PRMT3: variants seen among roughly 807,000 people sequenced by gnomAD.
The protein encoded by PRMT3 is protein arginine N-methyltransferase 3.
A neutral mutation model predicts 71.9 loss-of-function variants in PRMT3; 62 were observed. The observed-to-expected ratio is 0.86, with a 90% CI of 0.70 to 1.07. The LOEUF (loss-of-function observed/expected upper bound fraction) is 1.07. Ranked by LOEUF, PRMT3 falls within the 50% of genes least tolerant of loss-of-function variation. The pLI, the probability that PRMT3 is intolerant of heterozygous loss-of-function variation, is 0.00. For synonymous variants in PRMT3, 213 were observed against 220.4 expected (o/e 0.97, Z 0.30); for missense variants, 663 against 643.0 (o/e 1.03, Z -0.34).
chr11:20,398,099 T>G (rs1333856826), intron 7 of PRMT3, among the ~76,000 whole-genome samples: 2 of 152,052 alleles, frequency 1.3e-5, no homozygotes, highest in African/African-American at 2.4e-5. Context: ...TGAAATCACT[T>G]TTTCCTTAAA....
intron 10 of PRMT3, among the ~76,000 whole-genome samples, chr11:20,429,735 T>G (rs567423626): frequency 1.4e-4 from 21 of 152,380 alleles, no homozygotes; most frequent in African/African-American, 4.8e-4. Flanking sequence ...AGCAACTGTT[T>G]TAAGTGCTCT....
At chr11:20,393,152 T>G (rs1481559059) in intron 5 of PRMT3, among the ~76,000 whole-genome samples, 153 bp downstream of exon 5, 4 of 152,154 alleles carry the variant, frequency 2.6e-5, no homozygotes, top group African/African-American at 7.2e-5. Flanking sequence ...TTAAGTTGCT[T>G]AAAAACTAAT....
At chr11:20,402,650 T>C (rs958357706) in intron 7 of PRMT3, among the ~76,000 whole-genome samples, 1 of 152,190 alleles carries the variant, frequency 6.6e-6, no homozygotes, top group Non-Finnish European at 1.5e-5. Flanking sequence ...CTAAGTCTTA[T>C]GGTGATAATG....
intron 15 of PRMT3, among the ~76,000 whole-genome samples, chr11:20,496,497 G>A (rs377194640): frequency 1.3e-5 from 2 of 151,924 alleles, no homozygotes; most frequent in East Asian, 3.9e-4. Context: ...CCATTTATGT[G>A]AACTTTTAAA....
At chr11:20,502,970 T>C (rs1412457287) in intron 15 of PRMT3, among the ~76,000 whole-genome samples, 1 of 152,164 alleles carries the variant, frequency 6.6e-6, no homozygotes, top group Non-Finnish European at 1.5e-5. Flanking sequence ...TTTACTCTTT[T>C]GTTGATGAAG....
intron 10 of PRMT3, among the ~76,000 whole-genome samples, chr11:20,432,420 A>G (rs1849673078): frequency 6.6e-6 from 1 of 152,134 alleles, no homozygotes; most frequent in Non-Finnish European, 1.5e-5. Context: ...TAAACTGTAT[A>G]TTGTGTATAT....
intron 9 of PRMT3, among the ~76,000 whole-genome samples, chr11:20,423,527 A>G (rs1376233135): frequency 6.6e-6 from 1 of 152,182 alleles, no homozygotes; most frequent in Non-Finnish European, 1.5e-5. Flanking sequence ...ATGTCCTGCA[A>G]GTCTAAAATA....
intron 10 of PRMT3, among the ~76,000 whole-genome samples, chr11:20,447,450 G>A (rs911237876): frequency 6.6e-6 from 1 of 152,062 alleles, no homozygotes; most frequent in Non-Finnish European, 1.5e-5. Flanking sequence ...AATGTCATTA[G>A]TGTCAATATC....
intron 13 of PRMT3, among the ~76,000 whole-genome samples, chr11:20,466,777 CAAG>C (rs1325434875): frequency 2.0e-5 from 3 of 151,736 alleles, no homozygotes; most frequent in Non-Finnish European, 4.4e-5. Context: ...TAAAACAAAA[CAAG>C]AAAAAAATTG....
At position 20,426,871 on chromosome 11, in the gene PRMT3, T is replaced by C; in HGVS notation, c.993+6T>C. The C allele has an allele frequency of 1.3e-6, 2 of 1,521,182 alleles. No homozygotes were observed. The highest frequency in any genetic ancestry group is 1.7e-6 in the Non-Finnish European group (2 of 1,146,952). 94.2% of individuals were successfully genotyped at this position (1,521,182 alleles called of 1,614,324 possible). ...TTATCATATCTGAGTGGATGGTGAG[T>C]GTTTATAGAAAAAACTACTTTCACT... On this transcript the variant is annotated splice_donor_region_variant and intron_variant, in intron 10 of 15. Transcript: ENST00000331079.
chr11:20,433,630 G>GT (rs1390424066), intron 10 of PRMT3, among the ~76,000 whole-genome samples: 2 of 151,606 alleles, frequency 1.3e-5, no homozygotes, highest in Non-Finnish European at 1.5e-5. Flanking sequence ...TTTTGTTTTT[G>GT]TTTTTTTTAA....
Position 20,408,450 on chromosome 11 carries a change from G to A in PRMT3, c.893+418G>A, listed in dbSNP as rs11828082. Among the ~76,000 whole-genome samples the A allele has an allele frequency of 7.0e-3, 1,069 of 152,042 alleles. 16 individuals carry two copies. Among genetic ancestry groups the A allele is most frequent in the African/African-American group, 0.024 (1,014 of 41,498 alleles). ...TAAGAGTTATTTGTCTTTTCCTTTT[G>A]TAACAACACTAGTCCATGTACCTCC... On this transcript the variant is annotated intron_variant, in intron 9 of 15. Coordinates refer to ENST00000331079, the MANE Select transcript of PRMT3 (RefSeq NM_005788.4).
In PRMT3 at chr11:20,387,882, C is replaced by T. The variant is rs967369413; in HGVS notation, c.28+108C>T. The T allele has an allele frequency of 1.3e-6, 2 of 1,536,290 alleles. No individual in the cohort carries two copies. The highest frequency in any genetic ancestry group is 1.8e-6 in the Non-Finnish European group (2 of 1,139,602). On this transcript the variant is annotated intron_variant, in intron 1 of 15. Coordinates refer to ENST00000331079, the MANE Select transcript of PRMT3 (RefSeq NM_005788.4). The surrounding 1 kb of genome is among the most constrained non-coding windows in gnomAD (Gnocchi z 4.3). ...ACGGGCCCGGGCAGGGTGGGGGGCT[C>T]GCAGGGATCATGAAGGAGGTGCTGA...
chr11:20,451,439 G>A (rs979227526), intron 10 of PRMT3, among the ~76,000 whole-genome samples: 6 of 151,878 alleles, frequency 4.0e-5, no homozygotes, highest in Non-Finnish European at 8.8e-5. Flanking sequence ...AGGAGGATAT[G>A]GCAGCTGGCG....
chr11:20,419,798 T>C (rs758594532), intron 9 of PRMT3, among the ~76,000 whole-genome samples: 1 of 152,184 alleles, frequency 6.6e-6, no homozygotes, highest in Non-Finnish European at 1.5e-5. Flanking sequence ...ACTTTTATAC[T>C]AAAACTCCAT....
intron 10 of PRMT3, among the ~76,000 whole-genome samples, chr11:20,437,255 A>G (rs1208269360): frequency 2.0e-5 from 3 of 151,734 alleles, no homozygotes; most frequent in Non-Finnish European, 2.9e-5. Flanking sequence ...TTAAGTCTCA[A>G]TTTTGTTCAT....
At chr11:20,501,802 A>T (rs1458841656) in intron 15 of PRMT3, among the ~76,000 whole-genome samples, 3 of 152,198 alleles carry the variant, frequency 2.0e-5, no homozygotes, top group South Asian at 2.1e-4. Flanking sequence ...TTGTAAGTAA[A>T]TATGGCAGTA....
chr11:20,420,289 T>C (rs149806214), intron 9 of PRMT3, among the ~76,000 whole-genome samples: 12 of 152,334 alleles, frequency 7.9e-5, no homozygotes, highest in African/African-American at 2.9e-4. Flanking sequence ...AGAGATGCAG[T>C]ATAAAAGTCT....
intron 13 of PRMT3, among the ~76,000 whole-genome samples, chr11:20,473,719 C>G (rs1850708488): frequency 6.6e-6 from 1 of 152,188 alleles, no homozygotes; most frequent in Admixed American, 6.5e-5. Context: ...TTATTACCCA[C>G]CTTCTGAAGC....
Sources: gnomAD v4.1 joint callset for allele counts (sites outside exome capture counted in the v4.1 genomes callset) on GRCh38, gnomAD v4.1.1 for gene constraint, Gnocchi (gnomAD v3.1) non-coding constraint, MANE v1.5 for transcripts, NCBI Gene and HGNC (gene_info 2026-07-23, HGNC 2026-07-21) for gene names.